MET: variants seen among roughly 807,000 people sequenced by gnomAD.
MET encodes hepatocyte growth factor receptor.
In MET, 48 loss-of-function variants were observed where a neutral mutation model predicts 133.1. The ratio of observed to expected loss-of-function variants is 0.36; its 90% CI spans 0.29 to 0.46. The LOEUF (loss-of-function observed/expected upper bound fraction) is 0.46. Ranked by LOEUF, MET falls within the 20% of genes least tolerant of loss-of-function variation. The probability of loss-of-function intolerance (pLI) is 1.00; values close to 1 mark genes in which losing one functional copy is unlikely to be tolerated. For synonymous variants in MET, 628 were observed against 616.5 expected, an observed-to-expected ratio of 1.02 and a Z score of -0.28; for missense variants, 1,442 against 1,695.9, an observed-to-expected ratio of 0.85 and a Z score of 2.63.
intron 1 of MET, among the ~76,000 whole-genome samples, chr7:116,676,080 G>A (rs1042394876): frequency 3.3e-5 from 5 of 152,154 alleles, no homozygotes; most frequent in African/African-American, 4.8e-5. Flanking sequence ...ATCACGTGTG[G>A]CATTTGTAGC....
intron 5 of MET, among the ~76,000 whole-genome samples, chr7:116,743,964 A>G (rs924977777): frequency 2.6e-5 from 4 of 152,220 alleles, no homozygotes; most frequent in African/African-American, 9.6e-5. Flanking sequence ...TAGAAGAAAA[A>G]CTAACAAACA....
chr7:116,678,811 T>C (rs1314501420), intron 1 of MET, among the ~76,000 whole-genome samples: 7 of 152,224 alleles, frequency 4.6e-5, no homozygotes. Flanking sequence ...CCATGTGTCT[T>C]TGATTCACTA....
chr7:116,732,966 C>G (rs1438967407), intron 3 of MET, among the ~76,000 whole-genome samples: 1 of 152,098 alleles, frequency 6.6e-6, no homozygotes. Context: ...GTCCTGTTAT[C>G]TAATTATTCC....
chr7:116,785,238 T>C (rs970873399), intron 19 of MET, among the ~76,000 whole-genome samples: 1 of 152,160 alleles, frequency 6.6e-6, no homozygotes, highest in African/African-American at 2.4e-5. Flanking sequence ...AGGCACACGG[T>C]GCAAACTGTC....
intron 2 of MET, among the ~76,000 whole-genome samples, chr7:116,703,272 G>C (rs1314351657): frequency 6.6e-6 from 1 of 152,000 alleles, no homozygotes; most frequent in Non-Finnish European, 1.5e-5. Flanking sequence ...TGTTGCTTTT[G>C]AAAGTGATTC....
chr7:116,682,043 G>C (rs1796379189), intron 1 of MET, among the ~76,000 whole-genome samples: 1 of 151,840 alleles, frequency 6.6e-6, no homozygotes, highest in South Asian at 2.1e-4. Flanking sequence ...TTTTATTTCG[G>C]TCTCACTAAC....
intron 2 of MET, among the ~76,000 whole-genome samples, chr7:116,701,685 T>A (rs1276415135): frequency 6.6e-6 from 1 of 152,150 alleles, no homozygotes; most frequent in Non-Finnish European, 1.5e-5. Flanking sequence ...ATAGAATTCC[T>A]TATGAAGCTC....
intron 5 of MET, 154 bp downstream of exon 5, chr7:116,741,179 G>A (rs1793439766): frequency 3.5e-6 from 3 of 853,768 alleles, no homozygotes; most frequent in African/African-American, 3.5e-5. Context: ...TGAGTCATCA[G>A]CTAAAGCACC....
chr7:116,716,467 G>A (rs868155049), intron 2 of MET, among the ~76,000 whole-genome samples: 1 of 108,196 alleles, frequency 9.2e-6, no homozygotes, highest in Non-Finnish European at 1.9e-5. Context: ...AAGAAAGAAA[G>A]AGAAAGAAAG....
chr7:116,794,651 G>A (rs1795615588), intron 19 of MET, among the ~76,000 whole-genome samples: 2 of 152,182 alleles, frequency 1.3e-5, no homozygotes, highest in African/African-American at 4.8e-5. Flanking sequence ...CAGCTGTCTG[G>A]TGTGGATTTT....
At chr7:116,741,236 G>T (rs946375618) in intron 5 of MET, 3 of 587,308 alleles carry the variant, frequency 5.1e-6, no homozygotes, top group African/African-American at 1.9e-5. Flanking sequence ...GGTGGTGTTT[G>T]GGCATCCCCC....
Position 116,774,851 on chromosome 7 carries a change from G to T in MET, c.3029-30G>T, listed in dbSNP as rs760098700. On this transcript the variant is annotated intron_variant, in intron 14 of 20. Coordinates refer to ENST00000397752, the MANE Select transcript of MET (RefSeq NM_000245.4). ...CCCCATTAAATGAGGTTTTACTGTT[G>T]TTCTTTAATAATTTTCCTTCATCTT... is the stretch of plus-strand genomic sequence containing the variant. 5 of 1,561,974 alleles carry T rather than the reference G, an allele frequency of 3.2e-6. No individual in the cohort carries two copies. The highest frequency in any genetic ancestry group is 2.6e-6 in the Non-Finnish European group (3 of 1,134,098).
chr7:116,764,419 C>A (rs1794534079), intron 11 of MET, among the ~76,000 whole-genome samples: 2 of 151,536 alleles, frequency 1.3e-5, no homozygotes, highest in South Asian at 2.1e-4. Flanking sequence ...TCTAGTGTGA[C>A]CTTTTGCTTT....
intron 1 of MET, among the ~76,000 whole-genome samples, chr7:116,698,123 G>T (rs1025360362): frequency 6.6e-6 from 1 of 152,012 alleles, no homozygotes; most frequent in Non-Finnish European, 1.5e-5. Flanking sequence ...TCATTCTAAG[G>T]CCTCTCCTTT....
chr7:116,705,146 T>A (rs1321081598), intron 2 of MET, among the ~76,000 whole-genome samples: 1 of 152,096 alleles, frequency 6.6e-6, no homozygotes, highest in Non-Finnish European at 1.5e-5. Flanking sequence ...CATACAGTGA[T>A]GTTTCTTTAT....
At chr7:116,781,056 G>C (rs1167857818) in intron 17 of MET, among the ~76,000 whole-genome samples, 1 of 152,010 alleles carries the variant, frequency 6.6e-6, no homozygotes, top group Non-Finnish European at 1.5e-5. Context: ...CCTTTATCAG[G>C]CTCTTACACT....
In MET at chr7:116,726,823, A is replaced by G. The variant is rs574744049; in HGVS notation, c.1201-4845A>G. 2.6e-5 allele frequency among the ~76,000 whole-genome samples: 4 copies of G among 152,324 alleles called. No homozygotes were observed. The East Asian group carries it at 7.7e-4, about 29-fold the overall frequency. Reference sequence around the variant, plus strand: ...AGCAACTGAAGCTTTGAAGAAGGGAATGACAGCTTGAGACTGCTTCAAGGC... The same window carrying G: ...AGCAACTGAAGCTTTGAAGAAGGGAGTGACAGCTTGAGACTGCTTCAAGGC... On this transcript the variant is annotated intron_variant, in intron 2 of 20. Coordinates refer to ENST00000397752, the MANE Select transcript of MET (RefSeq NM_000245.4).
chr7:116,696,258 T>G (rs1294436710), intron 1 of MET, among the ~76,000 whole-genome samples: 1 of 152,150 alleles, frequency 6.6e-6, no homozygotes, highest in Non-Finnish European at 1.5e-5. Flanking sequence ...TTCTGATAAC[T>G]GTTAACCATC....
At chr7:116,713,870 G>T (rs1277111038) in intron 2 of MET, among the ~76,000 whole-genome samples, 1 of 152,150 alleles carries the variant, frequency 6.6e-6, no homozygotes, top group Non-Finnish European at 1.5e-5. Context: ...ATGTGACACT[G>T]TTAGGCACAT....
Sources: allele counts gnomAD v4.1 joint callset (sites outside exome capture counted in the v4.1 genomes callset), GRCh38; gene constraint gnomAD v4.1.1; transcripts MANE v1.5; gene names NCBI Gene and HGNC (gene_info 2026-07-23, HGNC 2026-07-21).